Variants in ELMO1 observed in about 807,000 individuals in gnomAD.
ELMO1 encodes the protein engulfment and cell motility 1.
A neutral mutation model predicts 98.9 loss-of-function variants in ELMO1; 26 were observed. The observed-to-expected ratio is 0.26, with a 90% CI of 0.19 to 0.36. The LOEUF is 0.36. Among genes scored for constraint, ELMO1 ranks in the 10% least tolerant of loss-of-function variants. The probability of loss-of-function intolerance (pLI) is 1.00; values close to 1 mark genes in which losing one functional copy is unlikely to be tolerated. For missense variants in ELMO1, 627 were observed against 935.2 expected (o/e 0.67, Z 4.30); for synonymous variants, 346 against 346.0 (o/e 1.00, Z 0.00).
At chr7:36,902,770 A>G (rs529229820) in intron 16 of ELMO1, among the ~76,000 whole-genome samples, 257 of 152,320 alleles carry the variant, frequency 1.7e-3, no homozygotes, top group African/African-American at 6.0e-3. Context: ...GGGAACCTGC[A>G]TGTTGACGAA....
At chr7:37,346,941 G>C (rs567366907) in intron 1 of ELMO1, among the ~76,000 whole-genome samples, 2 of 152,318 alleles carry the variant, frequency 1.3e-5, no homozygotes, top group East Asian at 3.9e-4. Flanking sequence ...GGCTCCAGTG[G>C]AGAGTCAGAG....
intron 16 of ELMO1, among the ~76,000 whole-genome samples, chr7:36,934,434 T>C (rs750080802): frequency 3.3e-5 from 5 of 152,146 alleles, no homozygotes; most frequent in African/African-American, 4.8e-5. Context: ...TCCCGGCACA[T>C]AGCTCGGAGA....
intron 16 of ELMO1, among the ~76,000 whole-genome samples, chr7:36,993,479 G>A (rs1338430580): frequency 6.6e-6 from 1 of 152,134 alleles, no homozygotes; most frequent in African/African-American, 2.4e-5. Flanking sequence ...CAGCATGTAA[G>A]AGCCAGATCG....
At chr7:37,157,424 A>C (rs530567126) in intron 13 of ELMO1, among the ~76,000 whole-genome samples, 13 of 152,132 alleles carry the variant, frequency 8.5e-5, no homozygotes, top group Non-Finnish European at 1.3e-4. Flanking sequence ...ACCCCATCGT[A>C]TCAGCCCAAA....
intron 1 of ELMO1, among the ~76,000 whole-genome samples, chr7:37,345,711 C>T (rs988111151): frequency 8.0e-5 from 12 of 150,684 alleles, no homozygotes; most frequent in East Asian, 2.0e-4. Flanking sequence ...TGTCTCAAGC[C>T]GGGTGTGGTG....
At chr7:37,345,632 G>A (rs961818916) in intron 1 of ELMO1, among the ~76,000 whole-genome samples, 6 of 151,300 alleles carry the variant, frequency 4.0e-5, no homozygotes, top group African/African-American at 7.3e-5. Flanking sequence ...ATTTGAACCC[G>A]GGAGGTGGAG....
intron 1 of ELMO1, among the ~76,000 whole-genome samples, chr7:37,436,710 CCAAA>C (rs1243693988): frequency 3.3e-5 from 5 of 152,098 alleles, no homozygotes; most frequent in African/African-American, 1.2e-4. Flanking sequence ...GAAAAAGCAC[CCAAA>C]CAAACCGGCC....
rs992875614 is a variant in ELMO1, at chr7:37,121,215, C to T, written c.1191+11915G>A. 1.6e-4 allele frequency among the ~76,000 whole-genome samples: 24 copies of T among 152,258 alleles called. No homozygotes were observed. The East Asian group carries it at 2.9e-3, about 18-fold the overall frequency. On this transcript the variant is annotated intron_variant, in intron 14 of 21. Transcript: ENST00000310758. ...AAACTGAAAATTCTAAAAATCAGAG[C>T]GCCTCTCCTCCTCCAAAGGAACGCA...
chr7:37,245,127 T>C (rs1794933341), intron 6 of ELMO1, among the ~76,000 whole-genome samples: 1 of 152,208 alleles, frequency 6.6e-6, no homozygotes, highest in Non-Finnish European at 1.5e-5. Flanking sequence ...CCCAACTCGC[T>C]AAGTCCTACC....
At chr7:37,225,334 G>A (rs1793806056) in intron 8 of ELMO1, among the ~76,000 whole-genome samples, 1 of 152,044 alleles carries the variant, frequency 6.6e-6, no homozygotes, top group Admixed American at 6.6e-5. Flanking sequence ...ATCTTTTAGG[G>A]GCAGACAATT....
chr7:37,269,008 G>C (rs957029649), intron 5 of ELMO1, among the ~76,000 whole-genome samples: 7 of 152,256 alleles, frequency 4.6e-5, no homozygotes, highest in African/African-American at 1.7e-4. Context: ...GGAGAGTTCA[G>C]CTGAGGCAGA....
intron 13 of ELMO1, among the ~76,000 whole-genome samples, chr7:37,160,711 G>A (rs940512747): frequency 6.6e-6 from 1 of 152,150 alleles, no homozygotes; most frequent in African/African-American, 2.4e-5. Context: ...ACAGGTGCCT[G>A]GGAGTCCTGT....
chr7:37,152,753 TGAAAG>T (rs1788450811), intron 13 of ELMO1, among the ~76,000 whole-genome samples: 1 of 151,986 alleles, frequency 6.6e-6, no homozygotes, highest in African/African-American at 2.4e-5. Flanking sequence ...AAGAAGAAAA[TGAAAG>T]GAACAGAATT....
chr7:37,076,900 C>T lies in ELMO1; in HGVS notation c.1300+19719G>A, dbSNP rs142454441. Among the ~76,000 whole-genome samples the T allele has an allele frequency of 9.0e-3, 1,366 of 152,340 alleles. 6 individuals carry two copies. The highest frequency in any genetic ancestry group is 0.014 in the Middle Eastern group (4 of 294). On this transcript the variant is annotated intron_variant, in intron 15 of 21. Transcript: ENST00000310758. ...AGCACAGGCTGTGTATCTGGCACTG[C>T]GGCTAAGAGCCTTCCCATTGCCTTC...
intron 16 of ELMO1, among the ~76,000 whole-genome samples, chr7:36,955,091 C>G (rs1004501290): frequency 6.6e-6 from 1 of 152,184 alleles, no homozygotes; most frequent in African/African-American, 2.4e-5. Flanking sequence ...ATGCCTCACA[C>G]GTTGTATCTT....
intron 14 of ELMO1, among the ~76,000 whole-genome samples, chr7:37,118,520 A>G (rs1349013835): frequency 2.0e-5 from 3 of 152,250 alleles, no homozygotes; most frequent in Admixed American, 2.0e-4. Flanking sequence ...GGAGTTTACA[A>G]GGATGAAAAG....
intron 5 of ELMO1, among the ~76,000 whole-genome samples, chr7:37,260,232 G>A (rs1299793339): frequency 3.3e-5 from 5 of 152,186 alleles, no homozygotes; most frequent in African/African-American, 1.2e-4. Flanking sequence ...CACTGTGGTT[G>A]AAGCACTCTG....
chr7:37,178,290 T>C (rs926526215), intron 13 of ELMO1, among the ~76,000 whole-genome samples: 1 of 151,754 alleles, frequency 6.6e-6, no homozygotes, highest in African/African-American at 2.4e-5. Context: ...AGGGGAAACG[T>C]CTTACAAAAC....
chr7:37,401,203 A>C (rs1803512194), intron 1 of ELMO1, among the ~76,000 whole-genome samples: 1 of 152,164 alleles, frequency 6.6e-6, no homozygotes, highest in Non-Finnish European at 1.5e-5. Flanking sequence ...TGTCAGAAAT[A>C]TGGGGCTCCA....
Sources: gnomAD v4.1 joint callset for allele counts (sites outside exome capture counted in the v4.1 genomes callset) on GRCh38, gnomAD v4.1.1 for gene constraint, MANE v1.5 for transcripts, NCBI Gene and HGNC (gene_info 2026-07-23, HGNC 2026-07-21) for gene names.